Variants in GLRA3 observed in about 807,000 individuals in gnomAD.
GLRA3 encodes glycine receptor subunit alpha-3.
GLRA3 carries 44 observed loss-of-function variants against 60.4 expected under a neutral mutation model. That is an observed-to-expected ratio of 0.73 (90% CI 0.57 to 0.94). The LOEUF is 0.94. Ranked by LOEUF, GLRA3 falls within the 40% of genes least tolerant of loss-of-function variation. GLRA3 has a pLI of 0.00. For missense variants in GLRA3, 508 were observed against 564.6 expected, an observed-to-expected ratio of 0.90 and a Z score of 1.02; for synonymous variants, 223 against 192.9, an observed-to-expected ratio of 1.16 and a Z score of -1.29.
At chr4:174,693,514 T>A (rs1734939536) in intron 5 of GLRA3, among the ~76,000 whole-genome samples, 1 of 152,180 alleles carries the variant, frequency 6.6e-6, no homozygotes, top group Admixed American at 6.5e-5. Context: ...TCAGTTGGTC[T>A]ATATGTCTGT....
chr4:174,809,083 G>A (rs977871440), intron 1 of GLRA3, among the ~76,000 whole-genome samples: 12 of 152,072 alleles, frequency 7.9e-5, no homozygotes, highest in East Asian at 1.9e-4. Flanking sequence ...TACTGCAAGC[G>A]CCATTCATCG....
In GLRA3 at chr4:174,643,697, A is replaced by T. The variant is rs1283359635; in HGVS notation, c.*89T>A. The T allele has an allele frequency of 6.7e-7, 1 of 1,487,950 alleles. No homozygotes were observed. The highest frequency in any genetic ancestry group is 2.2e-5 in the Admixed American group (1 of 45,276). The allele number at this position is 1,487,950 out of a possible 1,614,324, so 92.2% of individuals were successfully genotyped here. A position where few individuals can be genotyped will look rare whatever the true frequency, so the allele number is the denominator to read the frequency against. ...TTTTAATACAATGGTCATCATTTGT[A>T]TACCACACGCACACATATACACATA... On this transcript the variant is annotated 3_prime_UTR_variant, in exon 10 of 10. Transcript: ENST00000274093.
intron 7 of GLRA3, among the ~76,000 whole-genome samples, chr4:174,669,537 T>C (rs1007161259): frequency 2.0e-5 from 3 of 152,252 alleles, no homozygotes; most frequent in Non-Finnish European, 4.4e-5. Context: ...AAATGAATGA[T>C]GCTTCTAACA....
At chr4:174,737,755 G>A (rs987646634) in intron 3 of GLRA3, among the ~76,000 whole-genome samples, 23 of 152,210 alleles carry the variant, frequency 1.5e-4, no homozygotes, top group Admixed American at 3.3e-4. Flanking sequence ...CATCAGATCC[G>A]CACGCCTCGA....
chr4:174,783,499 C>T (rs1165536128), intron 2 of GLRA3, among the ~76,000 whole-genome samples: 1 of 138,310 alleles, frequency 7.2e-6, no homozygotes, highest in Non-Finnish European at 1.6e-5. Context: ...AGCTTCTGCA[C>T]AGCAAAAGAA....
chr4:174,790,148 T>C (rs1477456231), intron 1 of GLRA3, among the ~76,000 whole-genome samples: 1 of 152,204 alleles, frequency 6.6e-6, no homozygotes, highest in African/African-American at 2.4e-5. Context: ...TATTAGCTGT[T>C]GCCCTGTTCT....
intron 1 of GLRA3, among the ~76,000 whole-genome samples, chr4:174,815,485 TC>T (rs1740452299): frequency 6.6e-6 from 1 of 152,162 alleles, no homozygotes; most frequent in Admixed American, 6.5e-5. Flanking sequence ...TAGCAGAAGT[TC>T]CCCATGAGGG....
intron 1 of GLRA3, among the ~76,000 whole-genome samples, chr4:174,817,742 G>T (rs1231617093): frequency 2.0e-5 from 3 of 152,048 alleles, no homozygotes; most frequent in African/African-American, 7.2e-5. Flanking sequence ...TAGTAGCTGG[G>T]ATTAAAGGTG....
chr4:174,756,379 A>T (rs918540695), intron 3 of GLRA3, among the ~76,000 whole-genome samples: 3 of 152,194 alleles, frequency 2.0e-5, no homozygotes, highest in Non-Finnish European at 4.4e-5. Context: ...TAAATCTAGC[A>T]ATATATAAAA....
intron 7 of GLRA3, among the ~76,000 whole-genome samples, chr4:174,667,069 G>T (rs1420992211): frequency 6.6e-6 from 1 of 152,022 alleles, no homozygotes; most frequent in East Asian, 1.9e-4. Context: ...TGTTGTCATT[G>T]CTATCCTCAC....
At chr4:174,662,217 A>G (rs543716745) in intron 7 of GLRA3, among the ~76,000 whole-genome samples, 2 of 152,344 alleles carry the variant, frequency 1.3e-5, no homozygotes, top group African/African-American at 4.8e-5. Flanking sequence ...TACTTTATAT[A>G]GCCAATTAGA....
At chr4:174,815,034 G>A (rs1034916300) in intron 1 of GLRA3, among the ~76,000 whole-genome samples, 1 of 152,130 alleles carries the variant, frequency 6.6e-6, no homozygotes, top group Non-Finnish European at 1.5e-5. Context: ...TCAAAAGCAA[G>A]CTAGTTACTT....
rs72998764 is a variant in GLRA3 at position 174,654,167 on chromosome 4, T to C, written c.1116+2576A>G. Among the ~76,000 whole-genome samples the C allele has an allele frequency of 1.4e-3, 214 of 152,248 alleles. 3 individuals are homozygous for C. The highest frequency in any genetic ancestry group is 4.9e-3 in the African/African-American group (205 of 41,560). On this transcript the variant is annotated intron_variant, in intron 9 of 9. Transcript: ENST00000274093. ...TGGAATGGAAAGATTATTGAATAAT[T>C]AGTGTATATGGATGCCATATGGCTT...
At position 174,735,182 on chromosome 4, in the gene GLRA3, G is replaced by A. The variant is rs902341095; in HGVS notation, c.268-6484C>T. On this transcript the variant is annotated intron_variant, in intron 3 of 9. Coordinates refer to ENST00000274093, the MANE Select transcript of GLRA3 (RefSeq NM_006529.4). ...TAATTTTCAGCCTTAAAAAAAAAAG[G>A]CTAGATAACCAGGTGGACTTCACTC... Among the ~76,000 whole-genome samples, 10 of 151,722 alleles carry A rather than the reference G, an allele frequency of 6.6e-5. No individual in the cohort carries two copies. The East Asian group carries it at 1.3e-3, about 20-fold the overall frequency.
chr4:174,824,636 A>G (rs187825454), intron 1 of GLRA3, among the ~76,000 whole-genome samples: 41 of 152,172 alleles, frequency 2.7e-4, no homozygotes, highest in Admixed American at 7.9e-4. Context: ...TTTCCCAATC[A>G]CATACTATAT....
intron 3 of GLRA3, among the ~76,000 whole-genome samples, chr4:174,730,764 C>T (rs1166521097): frequency 6.6e-6 from 1 of 152,124 alleles, no homozygotes; most frequent in African/African-American, 2.4e-5. Flanking sequence ...TCACCTGTCA[C>T]CAAGGCCAAA....
In GLRA3 at chr4:174,771,449, CT is replaced by C. The variant is rs1176601867; in HGVS notation, c.200-4420del. ...GATAATACTAGACTCCTACTATTTT[CT>C]TTTTTTTTTTCTTGGAATAGCAATA... On this transcript the variant is annotated intron_variant, in intron 2 of 9. Coordinates refer to ENST00000274093, the MANE Select transcript of GLRA3 (RefSeq NM_006529.4). Among the ~76,000 whole-genome samples the C allele has an allele frequency of 4.7e-3, 682 of 145,196 alleles. 4 individuals carry two copies. Among genetic ancestry groups the C allele is most frequent in the African/African-American group, 0.015 (596 of 39,922 alleles).
intron 5 of GLRA3, among the ~76,000 whole-genome samples, chr4:174,701,691 T>C (rs1283880635): frequency 6.6e-6 from 1 of 152,192 alleles, no homozygotes; most frequent in Non-Finnish European, 1.5e-5. Context: ...GGGGAGGAAG[T>C]TGTAATATCA....
At chr4:174,804,868 C>T (rs762617158) in intron 1 of GLRA3, among the ~76,000 whole-genome samples, 5 of 152,052 alleles carry the variant, frequency 3.3e-5, no homozygotes, top group Non-Finnish European at 5.9e-5. Flanking sequence ...GCATAGGGTG[C>T]GAAGAAGCTG....
Sources: gnomAD v4.1 joint callset for allele counts (sites outside exome capture counted in the v4.1 genomes callset) on GRCh38, gnomAD v4.1.1 for gene constraint, MANE v1.5 for transcripts, NCBI Gene and HGNC (gene_info 2026-07-23, HGNC 2026-07-21) for gene names.